Variants in MGMT observed in about 807,000 individuals in gnomAD.
The protein encoded by MGMT is O-6-methylguanine-DNA methyltransferase.
MGMT carries 14 observed loss-of-function variants against 15.9 expected under a neutral mutation model. That is an observed-to-expected ratio of 0.88 (90% CI 0.58 to 1.37). The LOEUF is 1.37. Ranked by LOEUF, MGMT falls within the 40% of genes most tolerant of loss-of-function variation. MGMT has a pLI of 0.00. For synonymous variants in MGMT, 130 were observed against 118.2 expected, an observed-to-expected ratio of 1.10 and a Z score of -0.65; for missense variants, 282 against 268.1, an observed-to-expected ratio of 1.05 and a Z score of -0.36.
intron 3 of MGMT, among the ~76,000 whole-genome samples, chr10:129,743,459 T>A (rs1040975378): frequency 3.3e-5 from 5 of 152,208 alleles, no homozygotes; most frequent in Admixed American, 1.3e-4. Context: ...CATCAGTGCG[T>A]TGGTTGGTGG....
rs372899045 is a variant in MGMT, at chr10:129,621,564, G to A, written c.125+85187G>A. Reference sequence around the variant, plus strand: ...GGATGGGGAACAGGGACGCACGAGTGGGTAGATGAATGCGAGGCTGTTGAA... The same window carrying A: ...GGATGGGGAACAGGGACGCACGAGTAGGTAGATGAATGCGAGGCTGTTGAA... On this transcript the variant is annotated intron_variant, in intron 2 of 4. Coordinates refer to ENST00000651593, the MANE Select transcript of MGMT (RefSeq NM_002412.5). Among the ~76,000 whole-genome samples the A allele has an allele frequency of 5.3e-5, 8 of 152,306 alleles. No individual in the cohort carries two copies. In the East Asian group the frequency reaches 9.6e-4, roughly 18 times the overall value.
chr10:129,554,310 T>C (rs1359821110), intron 2 of MGMT, among the ~76,000 whole-genome samples: 1 of 152,236 alleles, frequency 6.6e-6, no homozygotes, highest in Admixed American at 6.5e-5. Context: ...AGTGATAGTC[T>C]TTTGGTGTAA....
chr10:129,520,419 C>T (rs1017910149), intron 1 of MGMT, among the ~76,000 whole-genome samples: 1 of 128,600 alleles, frequency 7.8e-6, no homozygotes, highest in Non-Finnish European at 1.6e-5. Context: ...CTACTCCTAC[C>T]GTGCGCATAC....
Position 129,487,937 on chromosome 10 carries a change from A to G in MGMT, c.-13+20641A>G, listed in dbSNP as rs796321354. 2.4e-3 allele frequency among the ~76,000 whole-genome samples: 221 copies of G among 93,754 alleles called. 1 individual carries two copies. Among genetic ancestry groups the G allele is most frequent in the East Asian group, 4.6e-3 (10 of 2,182 alleles). 61.5% of individuals were successfully genotyped at this position (93,754 alleles called of 152,430 possible). On this transcript the variant is annotated intron_variant, in intron 1 of 4. Transcript: ENST00000651593. ...GGTGTGTGTGTGTGTGTGTGTGTGT[A>G]TATATATACACACACAAACACACAT...
intron 2 of MGMT, among the ~76,000 whole-genome samples, chr10:129,650,307 T>C (rs1442833077): frequency 6.6e-6 from 1 of 152,182 alleles, no homozygotes; most frequent in Non-Finnish European, 1.5e-5. Context: ...GTTGTAAATC[T>C]GGTGTCTCTG....
chr10:129,544,788 A>G (rs1846081755), intron 2 of MGMT, among the ~76,000 whole-genome samples: 1 of 152,230 alleles, frequency 6.6e-6, no homozygotes. Context: ...GCTGGTGAAC[A>G]GGCTTGTCCA....
At chr10:129,483,596 G>C (rs1251833261) in intron 1 of MGMT, among the ~76,000 whole-genome samples, 1 of 152,034 alleles carries the variant, frequency 6.6e-6, no homozygotes, top group African/African-American at 2.4e-5. Flanking sequence ...GTTCTGCCTT[G>C]CATAGTTTCT....
chr10:129,517,911 G>A (rs922351805), intron 1 of MGMT, among the ~76,000 whole-genome samples: 2 of 152,218 alleles, frequency 1.3e-5, no homozygotes, highest in African/African-American at 2.4e-5. Flanking sequence ...TCCCTACCAT[G>A]ATGGGTTGTG....
chr10:129,580,983 A>G (rs1366300506), intron 2 of MGMT, among the ~76,000 whole-genome samples: 6 of 152,210 alleles, frequency 3.9e-5, no homozygotes, highest in Admixed American at 6.5e-5. Context: ...CACAGGAATC[A>G]AAGCAGGTGC....
At chr10:129,675,496 C>T (rs1056112430) in intron 2 of MGMT, among the ~76,000 whole-genome samples, 18 of 152,136 alleles carry the variant, frequency 1.2e-4, no homozygotes, top group Non-Finnish European at 2.1e-4. Context: ...ATAAGGCAGG[C>T]GTGGGCCCGT....
At chr10:129,614,861 C>T (rs1847004823) in intron 2 of MGMT, among the ~76,000 whole-genome samples, 1 of 152,208 alleles carries the variant, frequency 6.6e-6, no homozygotes, top group Admixed American at 6.5e-5. Flanking sequence ...GCACTGTAGG[C>T]TCCCATCTTT....
intron 2 of MGMT, among the ~76,000 whole-genome samples, chr10:129,669,165 T>C (rs2133111166): frequency 6.6e-6 from 1 of 152,256 alleles, no homozygotes; most frequent in Middle Eastern, 3.4e-3. Flanking sequence ...GATATTTTTG[T>C]TTTTTTAAAA....
At chr10:129,573,432 G>T (rs1370326651) in intron 2 of MGMT, among the ~76,000 whole-genome samples, 1 of 152,088 alleles carries the variant, frequency 6.6e-6, no homozygotes, top group Non-Finnish European at 1.5e-5. Flanking sequence ...TTGGTCCATT[G>T]TGGTCAGATT....
chr10:129,525,753 T>G (rs374340589), intron 1 of MGMT, among the ~76,000 whole-genome samples: 2 of 152,190 alleles, frequency 1.3e-5, no homozygotes, highest in East Asian at 3.8e-4. Flanking sequence ...GATAGAAACC[T>G]TCTTTCAATT....
At chr10:129,626,477 G>C (rs1358683778) in intron 2 of MGMT, among the ~76,000 whole-genome samples, 1 of 152,208 alleles carries the variant, frequency 6.6e-6, no homozygotes, top group African/African-American at 2.4e-5. Flanking sequence ...AGGGAGGCCT[G>C]ATGCCCTGGA....
At position 129,707,703 on chromosome 10, in the gene MGMT, G is replaced by A. The variant is rs56025531; in HGVS notation, c.126-192G>A. Among the ~76,000 whole-genome samples the A allele has an allele frequency of 2.5e-3, 386 of 152,312 alleles. 1 individual carries two copies. Among genetic ancestry groups the A allele is most frequent in the African/African-American group, 9.0e-3 (375 of 41,574 alleles). ...CACACGTCCTGGGAGGCCTGAAGGTGGAGAGTGGTTGCGGGGCCTCGGTGC... is the reference window on the plus strand; with the variant it reads ...CACACGTCCTGGGAGGCCTGAAGGTAGAGAGTGGTTGCGGGGCCTCGGTGC... On this transcript the variant is annotated intron_variant, in intron 2 of 4. Transcript: ENST00000651593.
At chr10:129,541,618 A>G (rs1435692723) in intron 2 of MGMT, among the ~76,000 whole-genome samples, 1 of 152,014 alleles carries the variant, frequency 6.6e-6, no homozygotes, top group Non-Finnish European at 1.5e-5. Context: ...AGATCTTGGA[A>G]GCTGGGGAGC....
In MGMT at chr10:129,709,867, C is replaced by T. The variant is rs569083789; in HGVS notation, c.274+1824C>T. On this transcript the variant is annotated intron_variant, in intron 3 of 4. Transcript: ENST00000651593. ...AGGAAGAACCGGAGGAGGAGGCCTC[C>T]GCAGCTGCTGACAGGAGCTCCAGGG... Among the ~76,000 whole-genome samples, 6 of 152,036 alleles carry T rather than the reference C, an allele frequency of 3.9e-5. No homozygotes were observed. In the East Asian group the frequency reaches 7.8e-4, roughly 20 times the overall value.
chr10:129,583,400 C>G (rs962066824), intron 2 of MGMT, among the ~76,000 whole-genome samples: 4 of 152,196 alleles, frequency 2.6e-5, no homozygotes, highest in African/African-American at 9.7e-5. Context: ...TAATTATTTA[C>G]TCATCAGATT....
Sources: allele counts gnomAD v4.1 joint callset (sites outside exome capture counted in the v4.1 genomes callset), GRCh38; gene constraint gnomAD v4.1.1; transcripts MANE v1.5; gene names NCBI Gene and HGNC (gene_info 2026-07-23, HGNC 2026-07-21).